EXT2: variants seen among roughly 807,000 people sequenced by gnomAD.
EXT2 encodes the protein exostosin-2.
In EXT2, 53 loss-of-function variants were observed where a neutral mutation model predicts 81.6. That is an observed-to-expected ratio of 0.65 (90% confidence interval 0.52 to 0.82). The LOEUF (loss-of-function observed/expected upper bound fraction) is 0.82, where lower values mean the gene tolerates loss of function less well. EXT2 is among the 40% of genes least tolerant of loss of function. The pLI is 0.00. For missense variants in EXT2, 774 were observed against 910.2 expected, an observed-to-expected ratio of 0.85 and a Z score of 1.93; for synonymous variants, 320 against 340.0, an observed-to-expected ratio of 0.94 and a Z score of 0.65.
rs959357945 is a variant in EXT2, at chr11:44,249,527, A to G, written c.*5240A>G. Among the ~76,000 whole-genome samples the G allele has an allele frequency of 3.7e-4, 56 of 152,304 alleles. No individual in the cohort carries two copies. Among genetic ancestry groups the G allele is most frequent in the African/African-American group, 1.3e-3 (54 of 41,570 alleles). ...AGTGGCTGACAGAGGAGGGATCCAT[A>G]TGTCTTAGACCAAAGCCACCAGTCA... On this transcript the variant is annotated 3_prime_UTR_variant, in exon 14 of 14. Transcript: ENST00000533608.
intron 3 of EXT2, among the ~76,000 whole-genome samples, chr11:44,113,962 G>C (rs547786208): frequency 4.5e-4 from 69 of 152,234 alleles, no homozygotes; most frequent in African/African-American, 1.6e-3. Context: ...GGGAAGTAAG[G>C]AAAGGGTATT....
chr11:44,102,758 A>G (rs1378570153), intron 1 of EXT2, among the ~76,000 whole-genome samples: 3 of 152,050 alleles, frequency 2.0e-5, no homozygotes, highest in South Asian at 2.1e-4. Flanking sequence ...GCTGTTGGGT[A>G]TAGGTCTCAT....
rs1007582666 is a variant in EXT2, at chr11:44,244,642, T to G, written c.*355T>G. The G allele has an allele frequency of 3.5e-5, 14 of 402,618 alleles. No individual in the cohort carries two copies. Among genetic ancestry groups the G allele is most frequent in the Admixed American group, 2.2e-4 (6 of 27,190 alleles). The allele number at this position is 402,618 out of a possible 1,614,324, so 24.9% of individuals were successfully genotyped here. On this transcript the variant is annotated 3_prime_UTR_variant, in exon 14 of 14. Transcript: ENST00000533608. The stretch of plus-strand genomic sequence containing the variant: ...GAAACTTCACGGACAGGAAGACTGC[T>G]GGAGAAGAGAAGCGTGTTAGCCCAT...
intron 10 of EXT2, 135 bp from the exon 11 acceptor site, chr11:44,232,218 C>A: frequency 1.8e-6 from 2 of 1,134,204 alleles, no homozygotes; most frequent in Non-Finnish European, 2.6e-6. Context: ...GGAACATCTC[C>A]AGAATCCCAT....
At chr11:44,198,507 T>C (rs1417130468) in intron 9 of EXT2, among the ~76,000 whole-genome samples, 1 of 152,218 alleles carries the variant, frequency 6.6e-6, no homozygotes, top group East Asian at 1.9e-4. Context: ...GGTTCTTCCT[T>C]AATCACTTTG....
chr11:44,121,976 C>A (rs1954323963), intron 4 of EXT2, among the ~76,000 whole-genome samples: 1 of 152,136 alleles, frequency 6.6e-6, no homozygotes, highest in South Asian at 2.1e-4. Flanking sequence ...TTCTTCCCCA[C>A]CCGACCATGC....
intron 10 of EXT2, among the ~76,000 whole-genome samples, chr11:44,227,664 C>T (rs749706376): frequency 6.6e-5 from 10 of 152,080 alleles, no homozygotes; most frequent in African/African-American, 1.2e-4. Context: ...TAATGGGACA[C>T]GACAAAAGAC....
intron 6 of EXT2, among the ~76,000 whole-genome samples, chr11:44,127,181 G>A (rs180904065): frequency 3.3e-5 from 5 of 152,304 alleles, no homozygotes; most frequent in South Asian, 2.1e-4. Context: ...AAACACAGCC[G>A]TGTCCCTTCC....
chr11:44,103,914 C>G (rs980378898), intron 1 of EXT2, among the ~76,000 whole-genome samples: 1 of 152,036 alleles, frequency 6.6e-6, no homozygotes, highest in Non-Finnish European at 1.5e-5. Flanking sequence ...TTAATCTTAC[C>G]AGAATTTTAT....
chr11:44,238,574 A>G (rs1040539321), intron 13 of EXT2, among the ~76,000 whole-genome samples: 1 of 152,204 alleles, frequency 6.6e-6, no homozygotes, highest in African/African-American at 2.4e-5. Flanking sequence ...ACAGTGTTAC[A>G]TGTATATGTA....
Position 44,115,826 on chromosome 11 carries a change from C to G in EXT2, c.743+1525C>G, listed in dbSNP as rs558971715. The stretch of plus-strand genomic sequence containing the variant: ...AATTCTGAAACTTACATTAGCCATT[C>G]ACTTAGCAAATTTTGTTATGTAGAC... On this transcript the variant is annotated intron_variant, in intron 4 of 13. Coordinates refer to ENST00000533608, the MANE Select transcript of EXT2 (RefSeq NM_207122.2). The G allele has an allele frequency of 5.3e-5, 8 of 152,258 alleles. No individual in the cohort carries two copies. The South Asian group carries it at 6.2e-4, about 12-fold the overall frequency. 9.4% of individuals were successfully genotyped at this position (152,258 alleles called of 1,614,324 possible). A position where few individuals can be genotyped will look rare whatever the true frequency, so the allele number is the denominator to read the frequency against.
chr11:44,142,156 A>C (rs574705440), intron 7 of EXT2, among the ~76,000 whole-genome samples: 1 of 152,346 alleles, frequency 6.6e-6, no homozygotes, highest in East Asian at 1.9e-4. Flanking sequence ...TCTATTTATA[A>C]ATATTAAAAT....
At chr11:44,195,244 T>C (rs181549567) in intron 8 of EXT2, among the ~76,000 whole-genome samples, 1 of 151,960 alleles carries the variant, frequency 6.6e-6, no homozygotes, top group Admixed American at 6.6e-5. Flanking sequence ...AGACCAATCT[T>C]ACCAACATGG....
intron 11 of EXT2, among the ~76,000 whole-genome samples, chr11:44,233,510 A>G (rs976940101): frequency 1.3e-5 from 2 of 152,164 alleles, no homozygotes; most frequent in Non-Finnish European, 2.9e-5. Context: ...ATTTTAGAAT[A>G]TTCAGTTCAA....
chr11:44,217,153 G>A (rs1955729410), intron 10 of EXT2, among the ~76,000 whole-genome samples: 1 of 151,512 alleles, frequency 6.6e-6, no homozygotes, highest in Non-Finnish European at 1.5e-5. Flanking sequence ...GTCACTTCAG[G>A]CTTTATTGCT....
At chr11:44,107,661 T>C in intron 1 of EXT2, 22 bp from the exon 2 acceptor site, 1 of 1,592,252 alleles carries the variant, frequency 6.3e-7, no homozygotes, top group Non-Finnish European at 8.6e-7. Context: ...TGGTTTTTCT[T>C]ATTTCTCTCC....
chr11:44,096,189 G>A (rs2134932337), intron 1 of EXT2: 1 of 1,440,864 alleles, frequency 6.9e-7, no homozygotes, highest in Non-Finnish European at 9.4e-7. Context: ...GCCCTCCGCC[G>A]TGACCCCTCC....
intron 13 of EXT2, among the ~76,000 whole-genome samples, chr11:44,238,043 C>G (rs1009844707): frequency 1.3e-5 from 2 of 151,392 alleles, no homozygotes; most frequent in Non-Finnish European, 2.9e-5. Flanking sequence ...GAGCTGAGAT[C>G]GTGCCATTGC....
Position 44,096,311 on chromosome 11 carries a change from C to A in EXT2, c.-31+459C>A, listed in dbSNP as rs1225833538. ...CGGCATCCCTTGCGGTGCCAGAAGC[C>A]GTGGGACGAGGTAGGGAAGGGGCCA... On this transcript the variant is annotated intron_variant, in intron 1 of 13. Coordinates refer to ENST00000533608, the MANE Select transcript of EXT2 (RefSeq NM_207122.2). The A allele has an allele frequency of 1.3e-6, 2 of 1,535,866 alleles. No individual in the cohort carries two copies. The highest frequency in any genetic ancestry group is 1.7e-6 in the Non-Finnish European group (2 of 1,146,800).
Sources: allele counts gnomAD v4.1 joint callset (sites outside exome capture counted in the v4.1 genomes callset), GRCh38; gene constraint gnomAD v4.1.1; transcripts MANE v1.5; gene names NCBI Gene and HGNC (gene_info 2026-07-23, HGNC 2026-07-21).